The following ERBB4 variants were observed in gnomAD, a reference collection of about 807,000 sequenced individuals.
The protein encoded by ERBB4 is erb-b2 receptor tyrosine kinase 4.
In ERBB4, 42 loss-of-function variants were observed where a neutral mutation model predicts 158.0. The observed-to-expected ratio is 0.27, with a 90% CI of 0.21 to 0.34. The LOEUF (loss-of-function observed/expected upper bound fraction) is 0.34, where lower values mean the gene tolerates loss of function less well. Among genes scored for constraint, ERBB4 ranks in the 10% least tolerant of loss-of-function variants. The pLI, the probability that ERBB4 is intolerant of heterozygous loss-of-function variation, is 1.00. For synonymous variants in ERBB4, 583 were observed against 558.7 expected, an observed-to-expected ratio of 1.04 and a Z score of -0.61; for missense variants, 1,333 against 1,624.1, an observed-to-expected ratio of 0.82 and a Z score of 3.08.
chr2:212,422,388 C>T (rs898750058), intron 1 of ERBB4, among the ~76,000 whole-genome samples: 2 of 152,050 alleles, frequency 1.3e-5, no homozygotes, highest in Non-Finnish European at 2.9e-5. Flanking sequence ...GTCCCAGCTA[C>T]TCAGGAGGTT....
At chr2:211,435,262 G>A (rs1201990275) in intron 20 of ERBB4, among the ~76,000 whole-genome samples, 3 of 152,122 alleles carry the variant, frequency 2.0e-5, no homozygotes, top group Non-Finnish European at 2.9e-5. Flanking sequence ...CCGTATCCAC[G>A]TCAGGCCAGC....
chr2:211,851,353 G>A (rs1393280147), intron 3 of ERBB4, among the ~76,000 whole-genome samples: 3 of 151,694 alleles, frequency 2.0e-5, no homozygotes, highest in African/African-American at 7.3e-5. Context: ...GTCAAAAATA[G>A]GTCAAGAAAT....
intron 4 of ERBB4, among the ~76,000 whole-genome samples, chr2:211,780,308 G>T (rs1052069732): frequency 6.6e-6 from 1 of 152,140 alleles, no homozygotes; most frequent in Non-Finnish European, 1.5e-5. Flanking sequence ...AGGCTCCAGT[G>T]AGCTGTGATT....
chr2:212,484,897 G>C (rs751312978), intron 1 of ERBB4, among the ~76,000 whole-genome samples: 1 of 152,088 alleles, frequency 6.6e-6, no homozygotes, highest in African/African-American at 2.4e-5. Context: ...TTTTCCCAGG[G>C]CTCCTTCCAC....
chr2:211,612,026 CTG>C (rs1242988073), intron 19 of ERBB4, among the ~76,000 whole-genome samples: 2 of 152,088 alleles, frequency 1.3e-5, no homozygotes, highest in Non-Finnish European at 2.9e-5. Context: ...GTCTAGTTCT[CTG>C]TGTTTCATCT....
intron 3 of ERBB4, among the ~76,000 whole-genome samples, chr2:211,803,968 T>C (rs908821876): frequency 6.6e-6 from 1 of 152,188 alleles, no homozygotes; most frequent in East Asian, 1.9e-4. Flanking sequence ...CTGAATTCCA[T>C]AAGACTTCTT....
Position 212,256,465 on chromosome 2 carries a change from C to G in ERBB4, c.83-131562G>C, listed in dbSNP as rs141907266. On this transcript the variant is annotated intron_variant, in intron 1 of 27. Coordinates refer to ENST00000342788, the MANE Select transcript of ERBB4 (RefSeq NM_005235.3). The stretch of plus-strand genomic sequence containing the variant: ...TAGTCAGAAACAAGGGACTGTAGAT[C>G]TGCATTACCAAAATGGAAATGGGAA... Among the ~76,000 whole-genome samples the G allele has an allele frequency of 2.9e-3, 441 of 152,176 alleles. 5 individuals are homozygous for G. The highest frequency in any genetic ancestry group is 0.01 in the African/African-American group (419 of 41,552).
chr2:212,356,619 G>C (rs2089473462), intron 1 of ERBB4, among the ~76,000 whole-genome samples: 1 of 151,656 alleles, frequency 6.6e-6, no homozygotes, highest in South Asian at 2.1e-4. Flanking sequence ...CTAAAAATAA[G>C]TCAATACATT....
chr2:211,845,219 C>A (rs959499505), intron 3 of ERBB4, among the ~76,000 whole-genome samples: 1 of 151,976 alleles, frequency 6.6e-6, no homozygotes, highest in African/African-American at 2.4e-5. Flanking sequence ...TATACCAATA[C>A]CCTAGACAAA....
At chr2:212,278,751 A>G (rs1479170872) in intron 1 of ERBB4, among the ~76,000 whole-genome samples, 1 of 151,736 alleles carries the variant, frequency 6.6e-6, no homozygotes, top group Non-Finnish European at 1.5e-5. Context: ...TCACTTTAAA[A>G]AAAGCTAAAA....
chr2:212,516,322 G>C (rs1020995663), intron 1 of ERBB4, among the ~76,000 whole-genome samples: 2 of 151,832 alleles, frequency 1.3e-5, no homozygotes, highest in African/African-American at 2.4e-5. Flanking sequence ...TAACATAAAA[G>C]TTACCTATTA....
At chr2:211,713,305 T>A (rs1290609072) in intron 8 of ERBB4, among the ~76,000 whole-genome samples, 1 of 152,294 alleles carries the variant, frequency 6.6e-6, no homozygotes, top group Non-Finnish European at 1.5e-5. Context: ...CCTATCAATG[T>A]TACATGTGCG....
At chr2:211,875,752 C>G (rs1286818494) in intron 3 of ERBB4, among the ~76,000 whole-genome samples, 2 of 152,164 alleles carry the variant, frequency 1.3e-5, no homozygotes, top group Non-Finnish European at 2.9e-5. Flanking sequence ...CCAGCAAACT[C>G]CATTCATGGA....
chr2:211,394,510 A>G (rs2062869824), intron 25 of ERBB4, among the ~76,000 whole-genome samples: 1 of 152,280 alleles, frequency 6.6e-6, no homozygotes, highest in East Asian at 1.9e-4. Flanking sequence ...TAAAGAGGAA[A>G]ACTTCTAGGA....
intron 1 of ERBB4, among the ~76,000 whole-genome samples, chr2:212,506,569 T>G (rs1012614728): frequency 6.7e-6 from 1 of 149,478 alleles, no homozygotes; most frequent in African/African-American, 2.5e-5. Context: ...ATTGCTCATA[T>G]GGAGAAAAGT....
Position 211,939,966 on chromosome 2 carries a change from A to AAAAATAT in ERBB4, c.421+7463_421+7464insATATTTT, listed in dbSNP as rs1491239788. Among the ~76,000 whole-genome samples, 872 of 137,314 alleles carry AAAAATAT rather than the reference A, an allele frequency of 6.4e-3. 4 individuals carry two copies. The highest frequency in any genetic ancestry group is 0.025 in the Middle Eastern group (7 of 282). The allele number at this position is 137,314 out of a possible 152,430, so 90.1% of individuals were successfully genotyped here. A position where few individuals can be genotyped will look rare whatever the true frequency, so the allele number is the denominator to read the frequency against. On this transcript the variant is annotated intron_variant, in intron 3 of 27. Transcript: ENST00000342788. ...CGTCTCAAAAAAAAAGGAAAAAAAA[A>AAAAATAT]ATATATATATATATGTATATAGATA...
intron 17 of ERBB4, among the ~76,000 whole-genome samples, chr2:211,628,105 T>C (rs2069931059): frequency 1.3e-5 from 2 of 152,224 alleles, no homozygotes; most frequent in African/African-American, 4.8e-5. Flanking sequence ...TAGTTTTGTT[T>C]TGAAACAGAA....
chr2:211,616,757 G>A (rs1414510985), intron 19 of ERBB4, among the ~76,000 whole-genome samples: 1 of 152,134 alleles, frequency 6.6e-6, no homozygotes, highest in African/African-American at 2.4e-5. Flanking sequence ...ACATGTTTCT[G>A]CCTGGTACTT....
intron 16 of ERBB4, among the ~76,000 whole-genome samples, chr2:211,644,753 G>A (rs1337675185): frequency 6.6e-6 from 1 of 151,834 alleles, no homozygotes; most frequent in African/African-American, 2.4e-5. Flanking sequence ...TTTTGTAAAT[G>A]GTCATAAGAA....
Sources: gnomAD v4.1 joint callset for allele counts (sites outside exome capture counted in the v4.1 genomes callset) on GRCh38, gnomAD v4.1.1 for gene constraint, MANE v1.5 for transcripts, NCBI Gene and HGNC (gene_info 2026-07-23, HGNC 2026-07-21) for gene names.